XKR9: variants seen among roughly 807,000 people sequenced by gnomAD.
XKR9 encodes the protein XK related 9.
Under a neutral mutation model 32.0 loss-of-function variants are expected in XKR9, and 32 were observed. The observed-to-expected ratio is 1.00, with a 90% CI of 0.76 to 1.34. The LOEUF (loss-of-function observed/expected upper bound fraction) is 1.34. XKR9 is among the 40% of genes most tolerant of loss of function. The probability of loss-of-function intolerance (pLI) is 0.00; values close to 1 mark genes in which losing one functional copy is unlikely to be tolerated. For missense variants in XKR9, 546 were observed against 429.7 expected, an observed-to-expected ratio of 1.27 and a Z score of -2.39; for synonymous variants, 168 against 143.4, an observed-to-expected ratio of 1.17 and a Z score of -1.22.
At chr8:71,019,448 G>A in the XKR9 span, among the ~76,000 whole-genome samples, 1 of 152,182 alleles carries the variant, frequency 6.6e-6, no homozygotes, top group Non-Finnish European at 1.5e-5. Flanking sequence ...GGCTAAAAGA[G>A]AAAGCTTTAC....
At chr8:70,988,279 A>C in the XKR9 span, among the ~76,000 whole-genome samples, 1 of 152,060 alleles carries the variant, frequency 6.6e-6, no homozygotes, top group East Asian at 1.9e-4. Context: ...TCTTTAAGAA[A>C]ATTATCCCTA....
intron 2 of XKR9, among the ~76,000 whole-genome samples, chr8:70,675,170 T>C (rs959643405): frequency 1.3e-5 from 2 of 152,314 alleles, no homozygotes; most frequent in South Asian, 2.1e-4. Flanking sequence ...CCCATTCTTG[T>C]AATCCCAGCA....
chr8:70,992,298 C>CA, the XKR9 span, among the ~76,000 whole-genome samples: 1 of 152,266 alleles, frequency 6.6e-6, no homozygotes, highest in African/African-American at 2.4e-5. Context: ...CTCTCAAATT[C>CA]AAAAATAAAT....
At chr8:70,946,961 G>T in the XKR9 span, among the ~76,000 whole-genome samples, 1 of 152,182 alleles carries the variant, frequency 6.6e-6, no homozygotes, top group Admixed American at 6.5e-5. Flanking sequence ...ATAATTGGAA[G>T]CTCATAGGCT....
intron 2 of XKR9, among the ~76,000 whole-genome samples, chr8:70,779,939 TG>T (rs1299140054): frequency 6.6e-6 from 1 of 152,066 alleles, no homozygotes; most frequent in African/African-American, 2.4e-5. Flanking sequence ...AGGTTTTTTT[TG>T]TGTCTCTATC....
At chr8:70,767,981 G>C (rs561621923) in intron 2 of XKR9, among the ~76,000 whole-genome samples, 110 of 152,048 alleles carry the variant, frequency 7.2e-4, no homozygotes, top group African/African-American at 2.5e-3. Context: ...GAATTTGTTT[G>C]CTCTTGCTTC....
At chr8:70,759,484 A>G (rs1807277081) in intron 2 of XKR9, among the ~76,000 whole-genome samples, 1 of 152,238 alleles carries the variant, frequency 6.6e-6, no homozygotes, top group African/African-American at 2.4e-5. Flanking sequence ...TCTGTCTGAC[A>G]GATCATGCAT....
chr8:70,885,204 A>G, the XKR9 span, among the ~76,000 whole-genome samples: 1 of 152,122 alleles, frequency 6.6e-6, no homozygotes, highest in African/African-American at 2.4e-5. Context: ...GTAGGAAAGC[A>G]ATTGACTTTT....
At chr8:70,746,463 A>G (rs1389753157) in intron 2 of XKR9, among the ~76,000 whole-genome samples, 2 of 148,206 alleles carry the variant, frequency 1.3e-5, no homozygotes, top group East Asian at 3.9e-4. Flanking sequence ...AACATATAAA[A>G]TATAATTATA....
At chr8:71,001,223 C>T in the XKR9 span, among the ~76,000 whole-genome samples, 19 of 152,014 alleles carry the variant, frequency 1.2e-4, no homozygotes, top group African/African-American at 4.1e-4. Flanking sequence ...GGCATGGGAT[C>T]GAAGGTCTAG....
the XKR9 span, among the ~76,000 whole-genome samples, chr8:70,965,211 G>C: frequency 6.6e-6 from 1 of 152,116 alleles, no homozygotes; most frequent in Admixed American, 6.6e-5. Context: ...TAATCATGAT[G>C]TTTTTGTCTT....
intron 2 of XKR9, among the ~76,000 whole-genome samples, chr8:70,742,251 A>G (rs1337952252): frequency 9.9e-5 from 15 of 152,238 alleles, no homozygotes; most frequent in Admixed American, 9.8e-4. Flanking sequence ...TCTTTGAGAA[A>G]GTTAAGCAGT....
chr8:70,799,991 G>T, the XKR9 span, among the ~76,000 whole-genome samples: 1 of 152,162 alleles, frequency 6.6e-6, no homozygotes, highest in African/African-American at 2.4e-5. Flanking sequence ...GATGTTGGCT[G>T]TGGGTTTGTC....
chr8:70,922,109 G>A, the XKR9 span, among the ~76,000 whole-genome samples: 2 of 152,116 alleles, frequency 1.3e-5, no homozygotes, highest in Admixed American at 6.5e-5. Flanking sequence ...CAGAGTTGGG[G>A]AATTCACCTC....
At chr8:70,766,104 A>G (rs1208877626) in intron 2 of XKR9, among the ~76,000 whole-genome samples, 1 of 152,172 alleles carries the variant, frequency 6.6e-6, no homozygotes, top group African/African-American at 2.4e-5. Flanking sequence ...TTTTGGTTCC[A>G]TATGAGACTT....
chr8:70,994,779 T>G, the XKR9 span, among the ~76,000 whole-genome samples: 1 of 152,056 alleles, frequency 6.6e-6, no homozygotes, highest in South Asian at 2.1e-4. Context: ...TTTTGTTTTA[T>G]TTTGTTTTTC....
At chr8:70,848,757 G>A in the XKR9 span, among the ~76,000 whole-genome samples, 1 of 114,512 alleles carries the variant, frequency 8.7e-6, no homozygotes, top group Non-Finnish European at 1.8e-5. Flanking sequence ...CCAGGCAAAT[G>A]GAATGCCAAA....
chr8:70,721,996 A>G (rs894825706), intron 4 of XKR9, among the ~76,000 whole-genome samples: 2 of 152,182 alleles, frequency 1.3e-5, no homozygotes, highest in African/African-American at 2.4e-5. Context: ...TTGGGTGCAT[A>G]TATATTTAGG....
At chr8:70,677,219 C>A (rs1252023003) in intron 2 of XKR9, among the ~76,000 whole-genome samples, 1 of 145,430 alleles carries the variant, frequency 6.9e-6, no homozygotes, top group Non-Finnish European at 1.6e-5. Flanking sequence ...CATATCAGTT[C>A]ACTGCAACCC....
Sources: gnomAD v4.1 joint callset for allele counts (sites outside exome capture counted in the v4.1 genomes callset) on GRCh38, gnomAD v4.1.1 for gene constraint, MANE v1.5 for transcripts, NCBI Gene and HGNC (gene_info 2026-07-23, HGNC 2026-07-21) for gene names.